TRPM7: variants seen among roughly 807,000 people sequenced by gnomAD.
TRPM7 encodes the protein transient receptor potential cation channel subfamily M member 7.
In TRPM7, 134 loss-of-function variants were observed where a neutral mutation model predicts 229.7. The observed-to-expected ratio is 0.58, with a 90% CI of 0.51 to 0.67. TRPM7 has a LOEUF of 0.67. Among genes scored for constraint, TRPM7 ranks in the 30% least tolerant of loss-of-function variants. TRPM7 has a pLI of 0.00. For synonymous variants in TRPM7, 699 were observed against 715.2 expected (o/e 0.98, Z 0.36); for missense variants, 1,901 against 2,210.0 (o/e 0.86, Z 2.80).
intron 1 of TRPM7, among the ~76,000 whole-genome samples, chr15:50,670,682 T>C (rs2061967291): frequency 6.6e-6 from 1 of 151,818 alleles, no homozygotes; most frequent in Non-Finnish European, 1.5e-5. Flanking sequence ...TAGCATATAA[T>C]CAGGAAATAA....
At chr15:50,638,822 AG>A (rs1455464490) in intron 6 of TRPM7, among the ~76,000 whole-genome samples, 4 of 151,964 alleles carry the variant, frequency 2.6e-5, no homozygotes, top group African/African-American at 9.7e-5. Context: ...AGTAGCTAGG[AG>A]GCACAGGCCA....
At chr15:50,669,002 T>A (rs1321288399) in intron 1 of TRPM7, among the ~76,000 whole-genome samples, 2 of 152,316 alleles carry the variant, frequency 1.3e-5, no homozygotes, top group Non-Finnish European at 2.9e-5. Context: ...GCAGTCCCTG[T>A]ACAGGGTTCC....
intron 19 of TRPM7, 76 bp from the exon 20 acceptor site, chr15:50,607,404 C>A: frequency 3.2e-6 from 4 of 1,260,636 alleles, no homozygotes; most frequent in Non-Finnish European, 4.3e-6. Context: ...TTTTCAAACA[C>A]ACACAAAAAC....
chr15:50,579,641 G>A (rs1423106121), intron 30 of TRPM7, among the ~76,000 whole-genome samples: 1 of 152,070 alleles, frequency 6.6e-6, no homozygotes, highest in African/African-American at 2.4e-5. Flanking sequence ...CCATGGCTTT[G>A]GTTATAAAAG....
At chr15:50,586,747 G>A (rs1421081676) in intron 27 of TRPM7, among the ~76,000 whole-genome samples, 8 of 152,132 alleles carry the variant, frequency 5.3e-5, no homozygotes, top group African/African-American at 1.4e-4. Flanking sequence ...GACTGGGCAT[G>A]GTGACTCACA....
intron 14 of TRPM7, 97 bp downstream of exon 14, chr15:50,614,026 G>C: frequency 7.3e-7 from 1 of 1,370,038 alleles, no homozygotes; most frequent in Non-Finnish European, 1.0e-6. Context: ...CTTTATGACA[G>C]TGTAACCTTC....
rs1248793290 is a variant in TRPM7 at position 50,557,893 on chromosome 15, C to T, written c.*3785G>A. On this transcript the variant is annotated 3_prime_UTR_variant, in exon 39 of 39. Coordinates refer to ENST00000646667, the MANE Select transcript of TRPM7 (RefSeq NM_017672.6). Reference sequence around the variant, plus strand: ...TCCTGACCTCAGATGATCCACCCACCTTGGCCTCCCAAAGTGATGGAATTA... The same window carrying T: ...TCCTGACCTCAGATGATCCACCCACTTTGGCCTCCCAAAGTGATGGAATTA... 1 of 152,358 alleles carries T rather than the reference C, an allele frequency of 6.6e-6. No individual in the cohort carries two copies. Among genetic ancestry groups the T allele is most frequent in the East Asian group, 1.9e-4 (1 of 5,190 alleles). The allele number at this position is 152,358 out of a possible 1,614,324, so 9.4% of individuals were successfully genotyped here. A position where few individuals can be genotyped will look rare whatever the true frequency, so the allele number is the denominator to read the frequency against.
intron 3 of TRPM7, among the ~76,000 whole-genome samples, chr15:50,656,022 C>A (rs8036320): frequency 0.03 from 4,496 of 150,294 alleles, 247 homozygotes; most frequent in African/African-American, 0.1. Flanking sequence ...AAAAAAAAAA[C>A]CCCTGCTGCA....
chr15:50,626,402 AG>A (rs927559887), intron 11 of TRPM7, among the ~76,000 whole-genome samples: 5 of 151,990 alleles, frequency 3.3e-5, no homozygotes, highest in African/African-American at 1.2e-4. Context: ...TTCATATCTG[AG>A]GGGGAAAAAG....
At chr15:50,613,397 G>C (rs565713666) in intron 15 of TRPM7, among the ~76,000 whole-genome samples, 2 of 151,144 alleles carry the variant, frequency 1.3e-5, no homozygotes, top group South Asian at 4.2e-4. Context: ...AGCTACTCGG[G>C]AGGCTGAGGC....
Position 50,674,122 on chromosome 15 carries a change from G to A in TRPM7, c.4-11076C>T, listed in dbSNP as rs189559978. ...TCCTGTCTCAGCCTCTGGAGTAGCT[G>A]AGATAACAGGTACCTGCCACCACGC... is the stretch of plus-strand genomic sequence containing the variant. On this transcript the variant is annotated intron_variant, in intron 1 of 38. Transcript: ENST00000646667. Among the ~76,000 whole-genome samples the A allele has an allele frequency of 2.2e-3, 333 of 152,238 alleles. 3 individuals carry two copies. Among genetic ancestry groups the A allele is most frequent in the Non-Finnish European group, 2.7e-3 (186 of 68,016 alleles).
intron 29 of TRPM7, 47 bp downstream of exon 29, chr15:50,583,042 T>C: frequency 1.5e-6 from 2 of 1,324,874 alleles, no homozygotes; most frequent in Non-Finnish European, 2.0e-6. Context: ...TCTAAAAAAG[T>C]TTAATGTATT....
chr15:50,590,774 A>G (rs2059468020), intron 26 of TRPM7, among the ~76,000 whole-genome samples: 2 of 151,112 alleles, frequency 1.3e-5, no homozygotes, highest in African/African-American at 4.9e-5. Context: ...CAGCGAGCCG[A>G]GATTGTGCCA....
Position 50,559,923 on chromosome 15 carries a change from G to C in TRPM7, c.*1755C>G, listed in dbSNP as rs1285549989. ...AGCTACTCGGGAGGCTGAGGCAGGAGAATCACTTAAACCCGGAAGGCGGCG... is the reference window on the plus strand; with the variant it reads ...AGCTACTCGGGAGGCTGAGGCAGGACAATCACTTAAACCCGGAAGGCGGCG... On this transcript the variant is annotated 3_prime_UTR_variant, in exon 39 of 39. Transcript: ENST00000646667. 6.8e-6 allele frequency: 1 copy of C among 147,084 alleles called. No individual in the cohort carries two copies. Among genetic ancestry groups the C allele is most frequent in the Non-Finnish European group, 1.5e-5 (1 of 67,516 alleles). 9.1% of individuals were successfully genotyped at this position (147,084 alleles called of 1,614,324 possible). A position where few individuals can be genotyped will look rare whatever the true frequency, so the allele number is the denominator to read the frequency against.
At chr15:50,640,992 T>C (rs2061085349) in intron 5 of TRPM7, among the ~76,000 whole-genome samples, 1 of 152,204 alleles carries the variant, frequency 6.6e-6, no homozygotes, top group Non-Finnish European at 1.5e-5. Context: ...GTCTGTGATA[T>C]TTGGTTACAG....
At chr15:50,647,153 G>C (rs535149256) in intron 4 of TRPM7, among the ~76,000 whole-genome samples, 4 of 151,912 alleles carry the variant, frequency 2.6e-5, no homozygotes, top group Non-Finnish European at 5.9e-5. Context: ...CTTTTTTTGA[G>C]ACAGTCTTGC....
At chr15:50,644,789 C>G (rs1182073361) in intron 4 of TRPM7, among the ~76,000 whole-genome samples, 1 of 118,816 alleles carries the variant, frequency 8.4e-6, no homozygotes, top group Non-Finnish European at 1.6e-5. Context: ...AAGAGCGAAA[C>G]TGCGTCTCAA....
intron 1 of TRPM7, among the ~76,000 whole-genome samples, chr15:50,684,580 GC>G (rs2062317495): frequency 6.6e-6 from 1 of 151,954 alleles, no homozygotes; most frequent in Non-Finnish European, 1.5e-5. Context: ...GGCGGAGGCT[GC>G]AGTCAGCCGA....
At chr15:50,643,584 T>C in intron 4 of TRPM7, 31 bp from the exon 5 acceptor site, 1 of 1,574,966 alleles carries the variant, frequency 6.3e-7, no homozygotes, top group Non-Finnish European at 8.7e-7. Context: ...GAGAAAATAA[T>C]TGAACATGTT....
Sources: allele counts gnomAD v4.1 joint callset (sites outside exome capture counted in the v4.1 genomes callset), GRCh38; gene constraint gnomAD v4.1.1; transcripts MANE v1.5; gene names NCBI Gene and HGNC (gene_info 2026-07-23, HGNC 2026-07-21).